The following C1orf21 variants were observed in gnomAD, a reference collection of about 807,000 sequenced individuals.
C1orf21 encodes the protein chromosome 1 open reading frame 21.
In C1orf21, 3 loss-of-function variants were observed where a neutral mutation model predicts 18.7. That is an observed-to-expected ratio of 0.16 (90% CI 0.07 to 0.42). The LOEUF is 0.42. Among genes scored for constraint, C1orf21 ranks in the 10% least tolerant of loss-of-function variants. C1orf21 has a pLI of 0.99. For synonymous variants in C1orf21, 41 were observed against 46.4 expected (o/e 0.88, Z 0.47); for missense variants, 104 against 143.6 (o/e 0.72, Z 1.41).
intron 3 of C1orf21, among the ~76,000 whole-genome samples, chr1:184,526,454 A>G (rs935203885): frequency 2.6e-5 from 4 of 152,116 alleles, no homozygotes; most frequent in East Asian, 1.9e-4. Flanking sequence ...TTTACTTGGG[A>G]TCATTAGTGC....
intron 1 of C1orf21, among the ~76,000 whole-genome samples, chr1:184,394,601 G>C (rs185568148): frequency 2.3e-3 from 346 of 152,252 alleles, no homozygotes; most frequent in Middle Eastern, 0.02. Context: ...TTTTACATGA[G>C]ACAATTGAAA....
intron 1 of C1orf21, among the ~76,000 whole-genome samples, chr1:184,474,693 AC>A: frequency 6.6e-6 from 1 of 152,250 alleles, no homozygotes; most frequent in African/African-American, 2.4e-5. Context: ...TTCTCAGTGT[AC>A]CCTGATTTTG....
At chr1:184,536,575 A>G (rs1390885968) in intron 3 of C1orf21, among the ~76,000 whole-genome samples, 5 of 152,298 alleles carry the variant, frequency 3.3e-5, no homozygotes, top group African/African-American at 1.2e-4. Flanking sequence ...GTCATGTACA[A>G]CTGCGATGTG....
intron 3 of C1orf21, among the ~76,000 whole-genome samples, chr1:184,534,942 G>A (rs1571402751): frequency 2.0e-5 from 3 of 152,140 alleles, no homozygotes; most frequent in Admixed American, 1.3e-4. Flanking sequence ...TATAGTCCAA[G>A]GTAGTGGCAG....
chr1:184,521,825 A>G (rs1658310252), intron 3 of C1orf21, among the ~76,000 whole-genome samples: 1 of 152,260 alleles, frequency 6.6e-6, no homozygotes, highest in South Asian at 2.1e-4. Context: ...AGAGTCTAAC[A>G]GTATTACAAA....
rs896161870 is a variant in C1orf21, at chr1:184,387,037, C to G, written c.-456C>G. The stretch of plus-strand genomic sequence containing the variant: ...GCTCCCCTCCCTCGCTCGCTCCTCG[C>G]AAGCTCCCGCTCGCTCCCTGCCCAC... On this transcript the variant is annotated 5_prime_UTR_variant, in exon 1 of 6. Transcript: ENST00000235307. This position sits in a 1 kb window ranked among gnomAD's most constrained non-coding sequence, Gnocchi z 5.6. The G allele has an allele frequency of 5.3e-5, 8 of 151,532 alleles. No homozygotes were observed. The highest frequency in any genetic ancestry group is 1.5e-4 in the African/African-American group (6 of 41,278). 9.4% of individuals were successfully genotyped at this position (151,532 alleles called of 1,614,324 possible). A position where few individuals can be genotyped will look rare whatever the true frequency, so the allele number is the denominator to read the frequency against.
At chr1:184,583,075 G>A (rs1411384209) in intron 3 of C1orf21, among the ~76,000 whole-genome samples, 6 of 152,184 alleles carry the variant, frequency 3.9e-5, no homozygotes, top group Non-Finnish European at 7.3e-5. Context: ...CTGACCTCAG[G>A]TGATCCGCCC....
intron 1 of C1orf21, among the ~76,000 whole-genome samples, chr1:184,447,489 C>T (rs755049382): frequency 3.3e-5 from 5 of 152,128 alleles, no homozygotes; most frequent in Admixed American, 1.3e-4. Flanking sequence ...CCTATTCATT[C>T]GTCTACTCTT....
intron 2 of C1orf21, among the ~76,000 whole-genome samples, chr1:184,478,960 T>A (rs1399363423): frequency 7.5e-6 from 1 of 132,662 alleles, no homozygotes; most frequent in Non-Finnish European, 1.6e-5. Flanking sequence ...TTTTAGAATC[T>A]CTAGCTTTTG....
intron 1 of C1orf21, among the ~76,000 whole-genome samples, chr1:184,399,276 A>G (rs1270456015): frequency 1.3e-5 from 2 of 151,212 alleles, no homozygotes; most frequent in Admixed American, 6.6e-5. Context: ...TATTTCCTGT[A>G]AACTAGTAGT....
At chr1:184,434,876 G>A (rs1028074062) in intron 1 of C1orf21, among the ~76,000 whole-genome samples, 3 of 152,174 alleles carry the variant, frequency 2.0e-5, no homozygotes, top group Non-Finnish European at 4.4e-5. Context: ...GAAAGTTCTT[G>A]GATTTTATTC....
intron 3 of C1orf21, among the ~76,000 whole-genome samples, chr1:184,554,791 T>TA (rs1658856579): frequency 6.6e-6 from 1 of 152,228 alleles, no homozygotes; most frequent in South Asian, 2.1e-4. Context: ...AAAAATTTCT[T>TA]ACAACTTATT....
At chr1:184,513,392 A>G (rs1335237783) in intron 3 of C1orf21, among the ~76,000 whole-genome samples, 1 of 152,258 alleles carries the variant, frequency 6.6e-6, no homozygotes, top group Non-Finnish European at 1.5e-5. Flanking sequence ...GGGATTCAGA[A>G]GGAACATGTG....
At chr1:184,542,264 C>T (rs1658664627) in intron 3 of C1orf21, among the ~76,000 whole-genome samples, 1 of 152,156 alleles carries the variant, frequency 6.6e-6, no homozygotes, top group Admixed American at 6.5e-5. Context: ...CACTATGTGC[C>T]AGGCACAGTT....
chr1:184,580,567 T>A (rs995897254), intron 3 of C1orf21, among the ~76,000 whole-genome samples: 10 of 152,236 alleles, frequency 6.6e-5, no homozygotes, highest in African/African-American at 2.4e-4. Flanking sequence ...GTGGGCTTCA[T>A]CTTCAACATC....
intron 1 of C1orf21, among the ~76,000 whole-genome samples, chr1:184,448,226 G>A (rs1308307886): frequency 6.6e-6 from 1 of 152,148 alleles, no homozygotes; most frequent in East Asian, 1.9e-4. Context: ...TGGGATTACA[G>A]GCACACATCA....
chr1:184,393,230 C>T (rs1656000551), intron 1 of C1orf21, among the ~76,000 whole-genome samples: 1 of 152,166 alleles, frequency 6.6e-6, no homozygotes, highest in Non-Finnish European at 1.5e-5. Flanking sequence ...ATCTCCAGAT[C>T]CACTGTCTAT....
intron 3 of C1orf21, among the ~76,000 whole-genome samples, chr1:184,552,427 A>T (rs1017558178): frequency 6.6e-6 from 1 of 152,240 alleles, no homozygotes; most frequent in African/African-American, 2.4e-5. Flanking sequence ...GTCATTTCTG[A>T]CAAAAGTAGA....
chr1:184,540,670 A>G (rs1324739272), intron 3 of C1orf21, among the ~76,000 whole-genome samples: 3 of 152,180 alleles, frequency 2.0e-5, no homozygotes, highest in Non-Finnish European at 4.4e-5. Context: ...ACCTCAGGTG[A>G]TCTGCCCACC....
Sources: gnomAD v4.1 joint callset for allele counts (sites outside exome capture counted in the v4.1 genomes callset) on GRCh38, gnomAD v4.1.1 for gene constraint, Gnocchi (gnomAD v3.1) non-coding constraint, MANE v1.5 for transcripts, NCBI Gene and HGNC (gene_info 2026-07-23, HGNC 2026-07-21) for gene names.